The following SPAG16 variants were observed in gnomAD, a reference collection of about 807,000 sequenced individuals.
SPAG16 encodes the protein sperm associated antigen 16, also known as sperm-associated antigen 16 protein.
Under a neutral mutation model 80.4 loss-of-function variants are expected in SPAG16, and 86 were observed. That is an observed-to-expected ratio of 1.07 (90% CI 0.90 to 1.28). The LOEUF (loss-of-function observed/expected upper bound fraction) is 1.28. Ranked by LOEUF, SPAG16 falls within the 50% of genes most tolerant of loss-of-function variation. The pLI, the probability that SPAG16 is intolerant of heterozygous loss-of-function variation, is 0.00. For missense variants in SPAG16, 870 were observed against 765.3 expected (o/e 1.14, Z -1.61); for synonymous variants, 294 against 265.9 (o/e 1.11, Z -1.03).
At chr2:213,371,544 C>T in intron 8 of SPAG16, among the ~76,000 whole-genome samples, 1 of 151,580 alleles carries the variant, frequency 6.6e-6, no homozygotes, top group South Asian at 2.1e-4. Context: ...ATACTTCCCT[C>T]TCTCTCTCAT....
At position 214,410,303 on chromosome 2, in the gene SPAG16, A is replaced by G. The variant is rs746011924; in HGVS notation, c.1884A>G (p.Arg628=). The G allele has an allele frequency of 8.8e-6, 14 of 1,598,394 alleles. No individual in the cohort carries two copies. The highest frequency in any genetic ancestry group is 1.1e-5 in the Non-Finnish European group (13 of 1,166,902). The change falls in exon 16 of 16, where the codon CGA becomes CGG. Residue 628 remains arginine (R), a synonymous_variant. Transcript: ENST00000331683. ...LFSGGSDGTV[R]TWS ...CTGGAGGCTCTGACGGCACAGTTCGAACGTGGTCTTGACCGTCAGCACATC... is the reference window on the plus strand; with the variant it reads ...CTGGAGGCTCTGACGGCACAGTTCGGACGTGGTCTTGACCGTCAGCACATC...
chr2:213,375,185 C>A, intron 9 of SPAG16, 66 bp downstream of exon 9: 1 of 1,101,074 alleles, frequency 9.1e-7, no homozygotes, highest in East Asian at 2.6e-5. Context: ...TCCATTCACT[C>A]ATATGGTATC....
chr2:213,848,238 A>G (rs1282271099), intron 10 of SPAG16, among the ~76,000 whole-genome samples: 1 of 152,164 alleles, frequency 6.6e-6, no homozygotes, highest in Non-Finnish European at 1.5e-5. Context: ...TCCTACCCAC[A>G]GTGAGTAGAT....
At chr2:214,108,471 ACACACACAC>A (rs1305938723) in intron 14 of SPAG16, among the ~76,000 whole-genome samples, 2 of 78,352 alleles carry the variant, frequency 2.6e-5, no homozygotes, top group African/African-American at 1.0e-4. Context: ...ACACACACAC[ACACACACAC>A]CCCCACACAC....
intron 14 of SPAG16, among the ~76,000 whole-genome samples, chr2:214,147,276 A>G (rs533057077): frequency 6.6e-6 from 1 of 152,330 alleles, no homozygotes; most frequent in Admixed American, 6.5e-5. Flanking sequence ...ATGTAAAAAT[A>G]TTAAAACTAT....
chr2:213,412,140 C>T, intron 9 of SPAG16, among the ~76,000 whole-genome samples: 1 of 152,104 alleles, frequency 6.6e-6, no homozygotes, highest in East Asian at 1.9e-4. Flanking sequence ...ACCTGCTCCA[C>T]CCTAACACAT....
chr2:214,020,201 C>T (rs1465498180), intron 13 of SPAG16, among the ~76,000 whole-genome samples: 2 of 152,148 alleles, frequency 1.3e-5, no homozygotes, highest in Non-Finnish European at 2.9e-5. Context: ...TCTCCAACCT[C>T]GGTCTTCCTT....
intron 15 of SPAG16, among the ~76,000 whole-genome samples, chr2:214,171,991 G>T (rs576729717): frequency 6.6e-6 from 1 of 151,782 alleles, no homozygotes; most frequent in African/African-American, 2.4e-5. Flanking sequence ...TCTGAGACAA[G>T]ATCAGCTAAA....
chr2:214,058,079 A>G (rs1214001612), intron 13 of SPAG16, among the ~76,000 whole-genome samples: 4 of 152,098 alleles, frequency 2.6e-5, no homozygotes, highest in Non-Finnish European at 4.4e-5. Flanking sequence ...CTGTGTCACT[A>G]TCATTTGTGT....
intron 15 of SPAG16, among the ~76,000 whole-genome samples, chr2:214,313,928 A>G (rs998610527): frequency 6.6e-6 from 1 of 152,174 alleles, no homozygotes; most frequent in African/African-American, 2.4e-5. Flanking sequence ...AGTATTCTAA[A>G]GAGATTATTG....
intron 11 of SPAG16, among the ~76,000 whole-genome samples, chr2:213,890,041 C>A (rs1021712617): frequency 6.6e-6 from 1 of 151,524 alleles, no homozygotes; most frequent in African/African-American, 2.4e-5. Flanking sequence ...AAGTAATTTC[C>A]CTTGTAGTTA....
At chr2:214,249,386 A>G (rs1690086332) in intron 15 of SPAG16, among the ~76,000 whole-genome samples, 1 of 152,096 alleles carries the variant, frequency 6.6e-6, no homozygotes, top group Non-Finnish European at 1.5e-5. Flanking sequence ...TACCACCCAC[A>G]GATGTACACT....
chr2:213,372,570 A>G (rs901727040), intron 8 of SPAG16, among the ~76,000 whole-genome samples: 5 of 152,076 alleles, frequency 3.3e-5, no homozygotes, highest in Admixed American at 1.3e-4. Context: ...ATTAGACTAT[A>G]TGGTCTAATT....
At chr2:214,118,998 A>G (rs1576267684) in intron 14 of SPAG16, among the ~76,000 whole-genome samples, 1 of 152,312 alleles carries the variant, frequency 6.6e-6, no homozygotes, top group South Asian at 2.1e-4. Context: ...TAAAGAAATG[A>G]CAAGTGTTTG....
chr2:214,400,109 A>G (rs1054806201), intron 15 of SPAG16, among the ~76,000 whole-genome samples: 1 of 152,080 alleles, frequency 6.6e-6, no homozygotes, highest in African/African-American at 2.4e-5. Context: ...CCATGTAGGA[A>G]AGCACCTGGT....
At chr2:213,767,477 A>G (rs1159177212) in intron 10 of SPAG16, among the ~76,000 whole-genome samples, 1 of 152,074 alleles carries the variant, frequency 6.6e-6, no homozygotes, top group Non-Finnish European at 1.5e-5. Context: ...AGGTCAACCT[A>G]GGCAACATAG....
At chr2:213,951,468 G>T (rs2079774860) in intron 12 of SPAG16, among the ~76,000 whole-genome samples, 1 of 152,146 alleles carries the variant, frequency 6.6e-6, no homozygotes, top group African/African-American at 2.4e-5. Flanking sequence ...AGCAGAGCCT[G>T]CCATGATTTC....
intron 15 of SPAG16, among the ~76,000 whole-genome samples, chr2:214,375,120 T>G (rs147165986): frequency 1.4e-3 from 213 of 152,278 alleles, no homozygotes; most frequent in African/African-American, 4.7e-3. Flanking sequence ...GGCAGGTACG[T>G]GTTAAAGATT....
chr2:213,759,012 T>C (rs983589883), intron 10 of SPAG16, among the ~76,000 whole-genome samples: 2 of 152,146 alleles, frequency 1.3e-5, no homozygotes, highest in African/African-American at 4.8e-5. Flanking sequence ...GGGCTGACAT[T>C]CGAAGTGCTA....
Sources: gnomAD v4.1 joint callset for allele counts (sites outside exome capture counted in the v4.1 genomes callset) on GRCh38, gnomAD v4.1.1 for gene constraint, MANE v1.5 for transcripts, NCBI Gene and HGNC (gene_info 2026-07-23, HGNC 2026-07-21) for gene names.